SLC71A2: variants seen among roughly 807,000 people sequenced by gnomAD.
SLC71A2 encodes hippocampus abundant transcript-like 1.
the SLC71A2 span, among the ~76,000 whole-genome samples, chr9:94,453,719 C>A: frequency 5.1e-4 from 78 of 152,144 alleles, 1 homozygote; most frequent in African/African-American, 1.8e-3. Context: ...AGCAGAGCAC[C>A]AGGTAGACAG....
the SLC71A2 span, chr9:94,453,835 G>T: frequency 4.5e-6 from 3 of 671,278 alleles, no homozygotes; most frequent in Non-Finnish European, 5.3e-6. Context: ...CTCTGAGGTT[G>T]CAGGTCAGGC....
chr9:94,452,650 TATATATTCATATATATTCATATATATTC>T, the SLC71A2 span, among the ~76,000 whole-genome samples: 30,633 of 108,104 alleles, frequency 0.28, 4,114 homozygotes, highest in African/African-American at 0.47. Context: ...TATATATTCA[TATATATTCATATATATTCATATATATTC>T]ATATATTCAT....
chr9:94,414,559 G>A, the SLC71A2 span, among the ~76,000 whole-genome samples: 3 of 152,114 alleles, frequency 2.0e-5, no homozygotes, highest in African/African-American at 7.2e-5. Flanking sequence ...AATTCGTAAG[G>A]GACAGAGCAG....
At chr9:94,449,228 G>T in the SLC71A2 span, among the ~76,000 whole-genome samples, 1 of 151,952 alleles carries the variant, frequency 6.6e-6, no homozygotes, top group Non-Finnish European at 1.5e-5. Flanking sequence ...ATGACAAATC[G>T]GAATCATTCC....
the SLC71A2 span, among the ~76,000 whole-genome samples, chr9:94,406,066 A>ATTTTTTTTTTT: frequency 2.0e-3 from 130 of 63,616 alleles, 16 homozygotes; most frequent in African/African-American, 8.3e-3. Context: ...TGCAACTTGA[A>ATTTTTTTTTTT]TTTTTTTTTT....
the SLC71A2 span, among the ~76,000 whole-genome samples, chr9:94,447,092 C>A: frequency 6.6e-6 from 1 of 152,082 alleles, no homozygotes; most frequent in Non-Finnish European, 1.5e-5. Context: ...GTAAACAGGG[C>A]ACCTTTAATG....
At chr9:94,452,036 TTA>T in the SLC71A2 span, among the ~76,000 whole-genome samples, 1 of 152,194 alleles carries the variant, frequency 6.6e-6, no homozygotes, top group Admixed American at 6.5e-5. Flanking sequence ...AAAAGATGAT[TTA>T]GGAGAACTTT....
chr9:94,445,289 T>G, the SLC71A2 span: 1 of 909,714 alleles, frequency 1.1e-6, no homozygotes, highest in Non-Finnish European at 1.6e-6. Context: ...TTGACTTATT[T>G]CTTTAGTAAA....
At chr9:94,418,792 C>T in the SLC71A2 span, among the ~76,000 whole-genome samples, 5 of 143,232 alleles carry the variant, frequency 3.5e-5, no homozygotes, top group Non-Finnish European at 7.5e-5. Context: ...TGGGGTCTCA[C>T]TATGTTGTCT....
the SLC71A2 span, among the ~76,000 whole-genome samples, chr9:94,395,306 T>C: frequency 3.5e-4 from 54 of 152,274 alleles, no homozygotes; most frequent in African/African-American, 1.2e-3. Flanking sequence ...TACAGTAGAG[T>C]CAACAGTTTA....
chr9:94,388,968 C>T, the SLC71A2 span, among the ~76,000 whole-genome samples: 11 of 152,260 alleles, frequency 7.2e-5, no homozygotes, highest in South Asian at 1.9e-3. Flanking sequence ...TTCCGTCCTT[C>T]GCCTCATTGC....
At chr9:94,450,821 T>C in the SLC71A2 span, among the ~76,000 whole-genome samples, 1 of 152,156 alleles carries the variant, frequency 6.6e-6, no homozygotes, top group East Asian at 1.9e-4. Context: ...AAACTTGATA[T>C]TTAAGTCTTA....
the SLC71A2 span, among the ~76,000 whole-genome samples, chr9:94,456,736 C>G: frequency 2.6e-5 from 4 of 152,140 alleles, no homozygotes; most frequent in Admixed American, 6.6e-5. Context: ...TGGAATAACT[C>G]AAAGTCTTTG....
chr9:94,402,253 C>T, the SLC71A2 span, among the ~76,000 whole-genome samples: 178 of 151,922 alleles, frequency 1.2e-3, 1 homozygote, highest in Middle Eastern at 6.8e-3. Context: ...CTGGTTCACA[C>T]GCCTCTGACA....
the SLC71A2 span, among the ~76,000 whole-genome samples, chr9:94,407,785 G>A: frequency 1.3e-5 from 2 of 152,070 alleles, no homozygotes; most frequent in Non-Finnish European, 2.9e-5. Flanking sequence ...TCAGTTACCC[G>A]AAGTGGGCTG....
the SLC71A2 span, among the ~76,000 whole-genome samples, chr9:94,426,467 G>C: frequency 6.6e-6 from 1 of 152,060 alleles, no homozygotes; most frequent in African/African-American, 2.4e-5. Context: ...CTTTTCTTCA[G>C]CTCTTTTTTT....
the SLC71A2 span, among the ~76,000 whole-genome samples, chr9:94,430,920 T>C: frequency 6.0e-4 from 91 of 152,218 alleles, 2 homozygotes; most frequent in East Asian, 0.017. Flanking sequence ...TTTAGTCTCT[T>C]ATAGTAAAGC....
chr9:94,386,052 T>A, the SLC71A2 span, among the ~76,000 whole-genome samples: 1 of 152,154 alleles, frequency 6.6e-6, no homozygotes, highest in Non-Finnish European at 1.5e-5. Flanking sequence ...TAAATCACAT[T>A]GAATAGTATT....
chr9:94,429,165 T>G, the SLC71A2 span: 3 of 1,606,118 alleles, frequency 1.9e-6, no homozygotes. Flanking sequence ...TGAATTTGTC[T>G]TGATGTTTGT....
Sources: allele counts gnomAD v4.1 joint callset (sites outside exome capture counted in the v4.1 genomes callset), GRCh38; gene constraint gnomAD v4.1.1; transcripts MANE v1.5; gene names NCBI Gene and HGNC (gene_info 2026-07-23, HGNC 2026-07-21).